Variants in IQCJ observed in about 807,000 individuals in gnomAD.
The protein encoded by IQCJ is IQ domain-containing protein J.
IQCJ carries 9 observed loss-of-function variants against 11.0 expected under a neutral mutation model. The ratio of observed to expected loss-of-function variants is 0.82; its 90% CI spans 0.49 to 1.43. The LOEUF (loss-of-function observed/expected upper bound fraction) is 1.43, where lower values mean the gene tolerates loss of function less well. IQCJ is among the 40% of genes most tolerant of loss of function. IQCJ has a pLI of 0.00. For synonymous variants in IQCJ, 55 were observed against 51.3 expected, an observed-to-expected ratio of 1.07 and a Z score of -0.31; for missense variants, 146 against 133.2, an observed-to-expected ratio of 1.10 and a Z score of -0.47.
intron 1 of IQCJ, among the ~76,000 whole-genome samples, chr3:159,133,827 A>G (rs559260542): frequency 6.6e-6 from 1 of 152,156 alleles, no homozygotes; most frequent in Admixed American, 6.6e-5. Context: ...GTAACAAATT[A>G]CCACATACTT....
downstream of IQCJ, among the ~76,000 whole-genome samples, chr3:159,264,441 T>G (rs935079797): frequency 6.6e-6 from 1 of 152,224 alleles, no homozygotes; most frequent in Non-Finnish European, 1.5e-5. Flanking sequence ...TCCTGATTCC[T>G]TGTTGGTTTT....
At chr3:159,218,791 A>G (rs920916811) in intron 1 of IQCJ, among the ~76,000 whole-genome samples, 1 of 152,156 alleles carries the variant, frequency 6.6e-6, no homozygotes, top group Non-Finnish European at 1.5e-5. Context: ...GCTTAAACCA[A>G]CACAGATTTA....
chr3:159,108,464 C>T (rs1239016733), intron 1 of IQCJ, among the ~76,000 whole-genome samples: 2 of 152,022 alleles, frequency 1.3e-5, no homozygotes, highest in East Asian at 3.9e-4. Context: ...TTTCTTGGAT[C>T]AAAGGGGAGT....
intron 1 of IQCJ, among the ~76,000 whole-genome samples, chr3:159,132,706 T>C (rs942921747): frequency 2.0e-5 from 3 of 152,200 alleles, no homozygotes; most frequent in African/African-American, 7.2e-5. Context: ...CTTGCTCATT[T>C]AGGAAGATGT....
chr3:159,235,439 A>G lies in IQCJ; in HGVS notation c.10-10404A>G, dbSNP rs114964206. Reference sequence around the variant, plus strand: ...AGCAAAAGTTTTGAGACCATGTACTACTTATGGAAAGGAGAGGGGAATATT... The same window carrying G: ...AGCAAAAGTTTTGAGACCATGTACTGCTTATGGAAAGGAGAGGGGAATATT... On this transcript the variant is annotated intron_variant, in intron 1 of 3. Coordinates refer to ENST00000397832, the MANE Select transcript of IQCJ (RefSeq NM_001042706.3). 3.6e-3 allele frequency among the ~76,000 whole-genome samples: 546 copies of G among 152,328 alleles called. 2 individuals are homozygous for G. Among genetic ancestry groups the G allele is most frequent in the African/African-American group, 0.013 (520 of 41,568 alleles).
At chr3:159,138,410 TGA>T in intron 1 of IQCJ, among the ~76,000 whole-genome samples, 1 of 152,328 alleles carries the variant, frequency 6.6e-6, no homozygotes, top group East Asian at 1.9e-4. Context: ...CATAAAATTT[TGA>T]GAGACTATGA....
intron 1 of IQCJ, among the ~76,000 whole-genome samples, chr3:159,104,044 T>C (rs1046056353): frequency 2.0e-5 from 3 of 152,156 alleles, no homozygotes; most frequent in African/African-American, 4.8e-5. Context: ...GCAGGGCTGG[T>C]TGATGGGGAG....
At chr3:159,183,640 G>A (rs1299831138) in intron 1 of IQCJ, among the ~76,000 whole-genome samples, 1 of 152,182 alleles carries the variant, frequency 6.6e-6, no homozygotes, top group Non-Finnish European at 1.5e-5. Context: ...TCTTGATCAT[G>A]TCTCAGTCCA....
At chr3:159,197,373 C>T (rs756038564) in intron 1 of IQCJ, among the ~76,000 whole-genome samples, 2 of 152,182 alleles carry the variant, frequency 1.3e-5, no homozygotes, top group Non-Finnish European at 2.9e-5. Flanking sequence ...CCTCCATTCC[C>T]TCTCTTCTAA....
At chr3:159,073,003 T>C (rs1457676927) in intron 1 of IQCJ, among the ~76,000 whole-genome samples, 1 of 152,108 alleles carries the variant, frequency 6.6e-6, no homozygotes, top group Non-Finnish European at 1.5e-5. Context: ...GTGCAAGTGG[T>C]TTATTTGAGA....
At chr3:159,258,446 G>A (rs887547166) in intron 3 of IQCJ, among the ~76,000 whole-genome samples, 7 of 152,062 alleles carry the variant, frequency 4.6e-5, no homozygotes, top group Non-Finnish European at 8.8e-5. Context: ...TGGTGGATCC[G>A]CAAAACCAAT....
intron 1 of IQCJ, among the ~76,000 whole-genome samples, chr3:159,178,535 T>G (rs1318776331): frequency 6.6e-6 from 1 of 152,192 alleles, no homozygotes; most frequent in African/African-American, 2.4e-5. Flanking sequence ...ACATCCTCTG[T>G]GTAGCTTGAG....
At chr3:159,117,979 A>G (rs1438468511) in intron 1 of IQCJ, among the ~76,000 whole-genome samples, 1 of 152,208 alleles carries the variant, frequency 6.6e-6, no homozygotes, top group Non-Finnish European at 1.5e-5. Context: ...TAAGATGATC[A>G]AACTGAGGTG....
chr3:159,134,425 T>C (rs1244811027), intron 1 of IQCJ, among the ~76,000 whole-genome samples: 3 of 152,140 alleles, frequency 2.0e-5, no homozygotes, highest in Non-Finnish European at 4.4e-5. Flanking sequence ...GCCTCTCCAA[T>C]ATTCATGGAA....
Position 159,069,911 on chromosome 3 carries a change from G to A in IQCJ, c.9+470G>A, listed in dbSNP as rs1319790114. ...TGCGTGTGTATGGGGAGGAGGTGTT[G>A]ATTTTTGAAAATTGGGAGAGAAGAG... On this transcript the variant is annotated intron_variant, in intron 1 of 3. Transcript: ENST00000397832. 1.5e-5 allele frequency: 4 copies of A among 259,126 alleles called. No homozygotes were observed. In the Admixed American group the frequency reaches 1.7e-4, roughly 11 times the overall value. The allele number at this position is 259,126 out of a possible 1,614,324, so 16.1% of individuals were successfully genotyped here. A position where few individuals can be genotyped will look rare whatever the true frequency, so the allele number is the denominator to read the frequency against.
intron 1 of IQCJ, among the ~76,000 whole-genome samples, chr3:159,150,092 C>G (rs887517879): frequency 6.6e-6 from 1 of 152,146 alleles, no homozygotes; most frequent in Non-Finnish European, 1.5e-5. Flanking sequence ...GTGCTCATCT[C>G]CCCTAATCCC....
chr3:159,176,930 A>C (rs1435107633), intron 1 of IQCJ, among the ~76,000 whole-genome samples: 1 of 152,194 alleles, frequency 6.6e-6, no homozygotes, highest in African/African-American at 2.4e-5. Flanking sequence ...ATGAGATTCA[A>C]CTGTGTGGCC....
intron 1 of IQCJ, among the ~76,000 whole-genome samples, chr3:159,141,540 A>C (rs1042797797): frequency 1.3e-5 from 2 of 152,262 alleles, no homozygotes; most frequent in Non-Finnish European, 2.9e-5. Context: ...AGGCAAAAGC[A>C]GCTTACATCA....
At chr3:159,113,417 A>G (rs1338592325) in intron 1 of IQCJ, among the ~76,000 whole-genome samples, 1 of 152,212 alleles carries the variant, frequency 6.6e-6, no homozygotes, top group Non-Finnish European at 1.5e-5. Context: ...CAGGACAGCA[A>G]ATGTATTTAG....
Sources: gnomAD v4.1 joint callset for allele counts (sites outside exome capture counted in the v4.1 genomes callset) on GRCh38, gnomAD v4.1.1 for gene constraint, MANE v1.5 for transcripts, NCBI Gene and HGNC (gene_info 2026-07-23, HGNC 2026-07-21) for gene names.